The following SUN3 variants were observed in gnomAD, a reference collection of about 807,000 sequenced individuals.
SUN3 encodes the protein SUN domain-containing protein 3.
SUN3 carries 36 observed loss-of-function variants against 48.2 expected under a neutral mutation model. The ratio of observed to expected loss-of-function variants is 0.75; its 90% CI spans 0.57 to 0.99. The LOEUF (loss-of-function observed/expected upper bound fraction) is 0.99, where lower values mean the gene tolerates loss of function less well. SUN3 is among the 50% of genes least tolerant of loss of function. The pLI, the probability that SUN3 is intolerant of heterozygous loss-of-function variation, is 0.00. For synonymous variants in SUN3, 148 were observed against 147.9 expected, an observed-to-expected ratio of 1.00 and a Z score of 0.00; for missense variants, 419 against 433.1, an observed-to-expected ratio of 0.97 and a Z score of 0.29.
intron 8 of SUN3, among the ~76,000 whole-genome samples, chr7:47,989,254 T>A (rs1292687992): frequency 6.6e-6 from 1 of 152,224 alleles, no homozygotes; most frequent in African/African-American, 2.4e-5. Flanking sequence ...ATAACTATAT[T>A]TGCAATAAGC....
At chr7:48,020,657 T>C (rs748305241) in intron 2 of SUN3, among the ~76,000 whole-genome samples, 2 of 151,948 alleles carry the variant, frequency 1.3e-5, no homozygotes, top group Non-Finnish European at 2.9e-5. Flanking sequence ...CAGTGAACAA[T>C]CTGAAAAATT....
At chr7:48,012,359 A>C (rs1789707068) in intron 3 of SUN3, among the ~76,000 whole-genome samples, 1 of 151,920 alleles carries the variant, frequency 6.6e-6, no homozygotes, top group African/African-American at 2.4e-5. Context: ...AGCCATGGGC[A>C]AAGCCCAGTT....
chr7:48,019,556 CA>C (rs1299720377), intron 2 of SUN3, among the ~76,000 whole-genome samples: 1 of 151,468 alleles, frequency 6.6e-6, no homozygotes, highest in Non-Finnish European at 1.5e-5. Flanking sequence ...GCCAGATTAA[CA>C]AAAAAGAGAA....
At position 47,987,224 on chromosome 7, in the gene SUN3, T is replaced by A. The variant is rs767295435; in HGVS notation, c.*106A>T. ...GGCAAGTATGAACCACTTTGAGGTTTTCTTCCCACTCCCAATTCTCAATTC... is the reference window on the plus strand; with the variant it reads ...GGCAAGTATGAACCACTTTGAGGTTATCTTCCCACTCCCAATTCTCAATTC... On this transcript the variant is annotated 3_prime_UTR_variant, in exon 10 of 10. Coordinates refer to ENST00000297325, the MANE Select transcript of SUN3 (RefSeq NM_001030019.2). 8 of 1,255,300 alleles carry A rather than the reference T, an allele frequency of 6.4e-6. No individual in the cohort carries two copies. The highest frequency in any genetic ancestry group is 8.5e-6 in the Non-Finnish European group (8 of 943,430). The allele number at this position is 1,255,300 out of a possible 1,614,324, so 77.8% of individuals were successfully genotyped here. A position where few individuals can be genotyped will look rare whatever the true frequency, so the allele number is the denominator to read the frequency against.
At chr7:48,002,578 GT>G (rs1789416278) in intron 6 of SUN3, among the ~76,000 whole-genome samples, 1 of 152,074 alleles carries the variant, frequency 6.6e-6, no homozygotes, top group Non-Finnish European at 1.5e-5. Context: ...TAATGGGGTT[GT>G]TTTGTTTTCT....
At position 47,996,147 on chromosome 7, in the gene SUN3, C is replaced by G; in HGVS notation, c.578-1G>C. 1 of 1,504,168 alleles carries G rather than the reference C, an allele frequency of 6.6e-7. No individual in the cohort carries two copies. The highest frequency in any genetic ancestry group is 9.0e-7 in the Non-Finnish European group (1 of 1,106,486). 93.2% of individuals were successfully genotyped at this position (1,504,168 alleles called of 1,614,324 possible). On this transcript the variant is annotated splice_acceptor_variant, in intron 6 of 9. Transcript: ENST00000297325. LOFTEE classifies it high-confidence loss of function. ...GTCCCAGCTTCAATGATGGAGGCTC[C>G]TAAAATTATAAAGTAAGTTGTAAAA...
At chr7:48,010,390 A>G (rs1046758599) in intron 3 of SUN3, among the ~76,000 whole-genome samples, 4 of 152,082 alleles carry the variant, frequency 2.6e-5, no homozygotes, top group Non-Finnish European at 4.4e-5. Context: ...ATAGTCAACA[A>G]TGCCCATCGA....
At chr7:47,996,958 C>T (rs752238512) in intron 6 of SUN3, among the ~76,000 whole-genome samples, 9 of 151,928 alleles carry the variant, frequency 5.9e-5, no homozygotes, top group East Asian at 3.9e-4. Flanking sequence ...CCCGCCACCA[C>T]GCCGGCTAAG....
chr7:48,025,376 A>C (rs74602553), intron 2 of SUN3, among the ~76,000 whole-genome samples: 4,461 of 152,208 alleles, frequency 0.029, 220 homozygotes, highest in African/African-American at 0.1. Context: ...AATGGGAGAT[A>C]CATGCCTTAA....
chr7:48,021,340 C>G (rs1465616377), intron 2 of SUN3, among the ~76,000 whole-genome samples: 1 of 152,080 alleles, frequency 6.6e-6, no homozygotes, highest in African/African-American at 2.4e-5. Context: ...ATCTCCAGGT[C>G]ATTGGTCTGG....
chr7:47,999,416 CCTTT>C (rs575458041), intron 6 of SUN3, among the ~76,000 whole-genome samples: 2 of 152,008 alleles, frequency 1.3e-5, no homozygotes, highest in South Asian at 2.1e-4. Context: ...CCATTTTTTT[CCTTT>C]CTAATTTGCA....
At chr7:48,005,343 T>G (rs1236695098) in intron 6 of SUN3, among the ~76,000 whole-genome samples, 1 of 152,216 alleles carries the variant, frequency 6.6e-6, no homozygotes, top group Non-Finnish European at 1.5e-5. Flanking sequence ...CTCCAGTTCA[T>G]GCAAGCTGGA....
intron 6 of SUN3, among the ~76,000 whole-genome samples, chr7:48,003,181 C>T (rs749481601): frequency 4.1e-4 from 63 of 152,130 alleles, no homozygotes; most frequent in Non-Finnish European, 7.4e-4. Context: ...GGAATACTTT[C>T]TGCAATGTTT....
Position 48,005,950 on chromosome 7 carries a change from T to G in SUN3, c.577+19A>C. 6.4e-7 allele frequency: 1 copy of G among 1,553,458 alleles called. No homozygotes were observed. The highest frequency in any genetic ancestry group is 8.8e-7 in the Non-Finnish European group (1 of 1,138,972). On this transcript the variant is annotated intron_variant, in intron 6 of 9. Transcript: ENST00000297325. ...TCTTTTTTTTTTAATGTTCCTCTTTTCACTTTTTCTGTACTCACCGGCCGA... is the reference window on the plus strand; with the variant it reads ...TCTTTTTTTTTTAATGTTCCTCTTTGCACTTTTTCTGTACTCACCGGCCGA...
At chr7:48,019,977 CAA>C (rs869166401) in intron 2 of SUN3, among the ~76,000 whole-genome samples, 6,144 of 63,936 alleles carry the variant, frequency 0.096, 71 homozygotes, top group East Asian at 0.13. Flanking sequence ...AAAGACACAT[CAA>C]AAAAAAAAAA....
intron 8 of SUN3, among the ~76,000 whole-genome samples, chr7:47,992,618 CACG>C (rs1789097548): frequency 6.6e-6 from 1 of 151,548 alleles, no homozygotes; most frequent in African/African-American, 2.4e-5. Context: ...AGTGAAATCC[CACG>C]ACAACAGTTG....
the SUN3 span, among the ~76,000 whole-genome samples, chr7:48,035,267 C>T: frequency 6.6e-6 from 1 of 152,104 alleles, no homozygotes; most frequent in Non-Finnish European, 1.5e-5. The surrounding 1 kb of genome is among the most constrained non-coding windows in gnomAD (Gnocchi z 4.0). Context: ...GTCCCCACGC[C>T]CCCACACCCC....
At position 47,994,329 on chromosome 7, in the gene SUN3, C is replaced by G. The variant is rs369258450; in HGVS notation, c.847G>C (p.Glu283Gln). 153 of 1,612,848 alleles carry G rather than the reference C, an allele frequency of 9.5e-5. No individual in the cohort carries two copies. The highest frequency in any genetic ancestry group is 1.3e-4 in the Non-Finnish European group (152 of 1,179,696). Residue 283 changes from glutamate to glutamine, a missense_variant, in exon 8 of 10, where the codon GAA (glutamate) becomes CAA (glutamine). Transcript: ENST00000297325. Reference protein sequence around the residue: ...PSGNISSAPKEFSVYGITKKC... With the variant: ...PSGNISSAPKQFSVYGITKKC... ...TAGCTTCTTACATAGACAGAAAATT[C>G]CTTGGGTGCACTGGAGATGTTTCCT...
chr7:48,018,099 T>C (rs184190021), intron 2 of SUN3, among the ~76,000 whole-genome samples: 6 of 152,302 alleles, frequency 3.9e-5, no homozygotes, highest in Non-Finnish European at 8.8e-5. Context: ...AAGAAGATAC[T>C]GGGTTGCACC....
Sources: allele counts gnomAD v4.1 joint callset (sites outside exome capture counted in the v4.1 genomes callset), GRCh38; gene constraint gnomAD v4.1.1; non-coding constraint Gnocchi (gnomAD v3.1); transcripts MANE v1.5; gene names NCBI Gene and HGNC (gene_info 2026-07-23, HGNC 2026-07-21).